The following NID2 variants were observed in gnomAD, a reference collection of about 807,000 sequenced individuals.
The protein encoded by NID2 is nidogen-2.
NID2 carries 83 observed loss-of-function variants against 145.4 expected under a neutral mutation model. That is an observed-to-expected ratio of 0.57 (90% CI 0.48 to 0.69). NID2 has a LOEUF of 0.69. Among genes scored for constraint, NID2 ranks in the 30% least tolerant of loss-of-function variants. NID2 has a pLI of 0.00. For missense variants in NID2, 1,807 were observed against 1,765.7 expected (o/e 1.02, Z -0.42); for synonymous variants, 739 against 701.3 (o/e 1.05, Z -0.85).
At chr14:52,044,250 C>G (rs543829436) in intron 5 of NID2, among the ~76,000 whole-genome samples, 1 of 147,360 alleles carries the variant, frequency 6.8e-6, no homozygotes, top group South Asian at 2.2e-4. Flanking sequence ...CATATACAAG[C>G]TTTACATTTA....
chr14:52,047,849 C>T (rs1046941867), intron 5 of NID2, among the ~76,000 whole-genome samples: 1 of 152,144 alleles, frequency 6.6e-6, no homozygotes. Context: ...CAGCACCATG[C>T]AGTCCTTCAC....
At chr14:52,061,559 G>A (rs117494150) in intron 2 of NID2, among the ~76,000 whole-genome samples, 1 of 152,098 alleles carries the variant, frequency 6.6e-6, no homozygotes, top group Non-Finnish European at 1.5e-5. Flanking sequence ...CAAGAGCCGG[G>A]GTGTGTGTCC....
intron 14 of NID2, among the ~76,000 whole-genome samples, chr14:52,018,658 G>A (rs1293333585): frequency 6.6e-6 from 1 of 152,206 alleles, no homozygotes. Flanking sequence ...CATTCAGAAG[G>A]CAGAGGTAAG....
intron 9 of NID2, among the ~76,000 whole-genome samples, chr14:52,031,694 C>G (rs1339667396): frequency 6.6e-6 from 1 of 152,238 alleles, no homozygotes; most frequent in Non-Finnish European, 1.5e-5. Context: ...CAGTACCACC[C>G]ATTTTACCAC....
At chr14:52,019,916 G>A in intron 13 of NID2, 143 bp downstream of exon 13, 1 of 1,121,452 alleles carries the variant, frequency 8.9e-7, no homozygotes, top group Non-Finnish European at 1.3e-6. Flanking sequence ...TAGGCAGCAG[G>A]AGGTAACCAA....
intron 7 of NID2, among the ~76,000 whole-genome samples, chr14:52,041,428 C>A (rs1019779309): frequency 6.6e-6 from 1 of 152,216 alleles, no homozygotes; most frequent in African/African-American, 2.4e-5. Flanking sequence ...AAGAACTTCT[C>A]ACAAAACTAT....
At chr14:52,039,380 C>T (rs965826658) in intron 8 of NID2, among the ~76,000 whole-genome samples, 24 of 152,330 alleles carry the variant, frequency 1.6e-4, no homozygotes, top group Admixed American at 5.9e-4. Flanking sequence ...CTGAAACTCA[C>T]ATTGGTTTGA....
At chr14:52,039,073 G>A in intron 8 of NID2, 96 bp from the exon 9 acceptor site, 3 of 878,254 alleles carry the variant, frequency 3.4e-6, no homozygotes, top group Non-Finnish European at 5.2e-6. Flanking sequence ...CTAATTCTTG[G>A]AGTGTGTTCC....
Position 52,042,127 on chromosome 14 carries a change from A to G in NID2, c.1803T>C (p.Ser601=). 1 of 1,604,034 alleles carries G rather than the reference A, an allele frequency of 6.2e-7. No homozygotes were observed. Among genetic ancestry groups the G allele is most frequent in the South Asian group, 1.1e-5 (1 of 90,012 alleles). The change falls in exon 7 of 22, where the codon TCT becomes TCC. Residue 601 remains serine (S), a synonymous_variant. Coordinates refer to ENST00000216286, the MANE Select transcript of NID2 (RefSeq NM_007361.4). ...CACCTGCGAGGCTGAAGCCGTTCTC[A>G]GAGCCAGGTTTTTCTAAAGCAAAGA... is the stretch of plus-strand genomic sequence containing the variant. The part of the protein sequence containing the change: ...GWLFALEKPG[S]ENGFSLAGAA...
chr14:52,043,000 C>A (rs1195467125), intron 5 of NID2, 69 bp from the exon 6 acceptor site: 4 of 1,459,802 alleles, frequency 2.7e-6, no homozygotes, highest in Non-Finnish European at 3.8e-6. Context: ...ATCGGGGACA[C>A]AACATCTGCT....
intron 19 of NID2, 98 bp from the exon 20 acceptor site, chr14:52,006,758 G>C (rs1890801382): frequency 2.3e-6 from 3 of 1,317,210 alleles, no homozygotes; most frequent in Admixed American, 1.9e-5. Context: ...GGGGAAATAG[G>C]ATATTTTACT....
intron 8 of NID2, among the ~76,000 whole-genome samples, 159 bp from the exon 9 acceptor site, chr14:52,039,136 C>T (rs1892185013): frequency 6.6e-6 from 1 of 152,138 alleles, no homozygotes; most frequent in Non-Finnish European, 1.5e-5. Context: ...ATCCCAAAAA[C>T]CTGAGTGGAT....
rs1254538971 is a variant in NID2, at chr14:52,042,352, T to G, written c.1580-2A>C. On this transcript the variant is annotated splice_acceptor_variant, in intron 6 of 21. Transcript: ENST00000216286. LOFTEE classifies it high-confidence loss of function. ...TCCCATTCACTCGGTGAGGTGCCCCTAAAAGACAGCAAATCCAGTTAGGCT... is the reference window on the plus strand; with the variant it reads ...TCCCATTCACTCGGTGAGGTGCCCCGAAAAGACAGCAAATCCAGTTAGGCT... 1.9e-6 allele frequency: 3 copies of G among 1,603,978 alleles called. No individual in the cohort carries two copies. In the Admixed American group the frequency reaches 5.0e-5, roughly 27 times the overall value.
Position 52,038,764 on chromosome 14 carries a change from T to C in NID2, c.2240A>G (p.Gln747Arg), listed in dbSNP as rs1251602102. Residue 747 changes from glutamine to arginine, a missense_variant, in exon 9 of 22, where the codon CAA (glutamine) becomes CGA (arginine). Transcript: ENST00000216286. ...ERVLRFAVTN[Q>R]IGPVKEDSDP... is the part of the protein sequence containing the mutation. ...AACCTTACCTTTGACCGGGCCAATT[T>C]GATTGGTCACAGCAAATCTAAGCAC... is the stretch of plus-strand genomic sequence containing the variant. 4.4e-6 allele frequency: 7 copies of C among 1,580,032 alleles called. No individual in the cohort carries two copies. In the South Asian group the frequency reaches 8.2e-5, roughly 18 times the overall value.
rs1329870074 is a variant in NID2 at position 52,038,649 on chromosome 14, AG to A, written c.2257+97del. 5.5e-6 allele frequency: 5 copies of A among 909,418 alleles called. No individual in the cohort carries two copies. The African/African-American group carries it at 6.7e-5, about 12-fold the overall frequency. The allele number at this position is 909,418 out of a possible 1,614,324, so 56.3% of individuals were successfully genotyped here. A position where few individuals can be genotyped will look rare whatever the true frequency, so the allele number is the denominator to read the frequency against. On this transcript the variant is annotated intron_variant, in intron 9 of 21. Coordinates refer to ENST00000216286, the MANE Select transcript of NID2 (RefSeq NM_007361.4). The stretch of plus-strand genomic sequence containing the variant: ...CATCCTTATACCTAGCACATAACAC[AG>A]CATGGCACTAGGTAACCCTTAGTAA...
At chr14:52,033,594 G>A (rs1188762478) in intron 9 of NID2, among the ~76,000 whole-genome samples, 1 of 118,902 alleles carries the variant, frequency 8.4e-6, no homozygotes, top group Non-Finnish European at 1.7e-5. Flanking sequence ...GGACAGCTGC[G>A]CTGTTTCACA....
At chr14:52,013,809 CAAAGTG>C (rs934075803) in intron 16 of NID2, among the ~76,000 whole-genome samples, 1 of 152,098 alleles carries the variant, frequency 6.6e-6, no homozygotes, top group African/African-American at 2.4e-5. Context: ...GGGACAGAAC[CAAAGTG>C]AAAGGGAAGG....
At chr14:52,039,201 C>G (rs1297155842) in intron 8 of NID2, among the ~76,000 whole-genome samples, 5 of 152,142 alleles carry the variant, frequency 3.3e-5, no homozygotes, top group Admixed American at 3.3e-4. Flanking sequence ...TGTTATTATA[C>G]ACAAAGAATA....
intron 3 of NID2, among the ~76,000 whole-genome samples, chr14:52,057,481 T>A (rs1490954118): frequency 6.6e-6 from 1 of 151,948 alleles, no homozygotes. Context: ...GGCAGGTGGA[T>A]CACCTGAGGT....
Sources: gnomAD v4.1 joint callset for allele counts (sites outside exome capture counted in the v4.1 genomes callset) on GRCh38, gnomAD v4.1.1 for gene constraint, MANE v1.5 for transcripts, NCBI Gene and HGNC (gene_info 2026-07-23, HGNC 2026-07-21) for gene names.